STAC3: variants seen among roughly 807,000 people sequenced by gnomAD.
STAC3 encodes SH3 and cysteine-rich domain-containing protein 3.
A neutral mutation model predicts 48.5 loss-of-function variants in STAC3; 30 were observed. The observed-to-expected ratio is 0.62, with a 90% CI of 0.46 to 0.84. STAC3 has a LOEUF of 0.84. Ranked by LOEUF, STAC3 falls within the 40% of genes least tolerant of loss-of-function variation. The probability of loss-of-function intolerance (pLI) is 0.00; values close to 1 mark genes in which losing one functional copy is unlikely to be tolerated. For synonymous variants in STAC3, 144 were observed against 158.6 expected (o/e 0.91, Z 0.69); for missense variants, 419 against 462.6 (o/e 0.91, Z 0.86).
chr12:57,250,259 G>A (rs1441350830), intron 1 of STAC3, among the ~76,000 whole-genome samples: 3 of 151,882 alleles, frequency 2.0e-5, no homozygotes, highest in Middle Eastern at 3.2e-3. Flanking sequence ...GTGTGGTGGC[G>A]GACGCCTGTA....
rs149430986 is a variant in STAC3 at position 57,244,364 on chromosome 12, G to A, written c.809C>T (p.Pro270Leu). 1 of 1,614,122 alleles carries A rather than the reference G, an allele frequency of 6.2e-7. No homozygotes were observed. Among genetic ancestry groups the A allele is most frequent in the East Asian group, 2.2e-5 (1 of 44,868 alleles). The change falls in exon 10 of 12, where the codon CCA becomes CTA. Residue 270 changes from proline (P) to leucine (L), a missense_variant and splice_region_variant. Coordinates refer to ENST00000332782, the MANE Select transcript of STAC3 (RefSeq NM_145064.3). The stretch of plus-strand genomic sequence containing the variant: ...ATCAATGACTGTGATCTTCTCTCCT[G>A]GCCTGGGAGGGGAAGGGAGGGGCCT... ...ALEKDDLDFP[P>L]GEKITVIDDS...
chr12:57,244,009 A>C (rs1421011401), intron 11 of STAC3, 79 bp downstream of exon 11: 3 of 1,610,648 alleles, frequency 1.9e-6, no homozygotes, highest in Non-Finnish European at 2.5e-6. Context: ...CCCTAGTCTT[A>C]TTAATGGTTA....
At chr12:57,249,349 T>C in intron 2 of STAC3, 41 bp from the exon 3 acceptor site, 1 of 1,541,440 alleles carries the variant, frequency 6.5e-7, no homozygotes, top group Middle Eastern at 1.8e-4. Flanking sequence ...TAAAAGGACT[T>C]GTCACCCTCT....
intron 5 of STAC3, 97 bp from the exon 6 acceptor site, chr12:57,246,998 A>G: frequency 8.0e-7 from 1 of 1,243,250 alleles, no homozygotes; most frequent in South Asian, 1.2e-5. Context: ...ATGGATACCC[A>G]TGTGTGTGTT....
chr12:57,247,428 ATT>A (rs367784960), intron 5 of STAC3, among the ~76,000 whole-genome samples: 838 of 58,416 alleles, frequency 0.014, 7 homozygotes, highest in African/African-American at 0.045. Context: ...TATTATTATT[ATT>A]TTTTTTTTTT....
At chr12:57,243,952 A>G (rs1282876456) in intron 11 of STAC3, 42 bp from the exon 12 acceptor site, 1 of 1,609,542 alleles carries the variant, frequency 6.2e-7, no homozygotes, top group Admixed American at 1.7e-5. Context: ...GAATCAAAGG[A>G]AAAGGTAGGA....
intron 5 of STAC3, among the ~76,000 whole-genome samples, chr12:57,247,422 ATTATTATTTTTTTTTTT>A (rs1483062225): frequency 1.5e-5 from 1 of 68,398 alleles, no homozygotes; most frequent in African/African-American, 6.1e-5. Flanking sequence ...TATTATTATT[ATTATTATTTTTTTTTTT>A]TTTTTTTTTT....
chr12:57,246,311 T>C (rs893437605), intron 6 of STAC3, among the ~76,000 whole-genome samples: 4 of 152,156 alleles, frequency 2.6e-5, no homozygotes, highest in Middle Eastern at 3.4e-3. Flanking sequence ...TCTAGTTGTT[T>C]TTTGCAGTTG....
chr12:57,248,028 G>GA, intron 5 of STAC3, 98 bp downstream of exon 5: 1 of 1,102,316 alleles, frequency 9.1e-7, no homozygotes, highest in African/African-American at 1.5e-5. Flanking sequence ...ATGGGAAACA[G>GA]AAAGTTTCTG....
In STAC3 at chr12:57,246,824, C is replaced by A. The variant is rs1382250150; in HGVS notation, c.583G>T (p.Gly195Ter). Reference sequence around the variant, plus strand: ...CTCACATTTTTCTTATCTGCCTGTCCCTTCTTCCGTTCCTTGTTTGCCATG... The same window carrying A: ...CTCACATTTTTCTTATCTGCCTGTCACTTCTTCCGTTCCTTGTTTGCCATG... ...VIMANKERKK[G>*]QADKKNPVAA... Residue 195 changes from glycine to a stop codon, truncating the protein, a stop_gained, in exon 6 of 12, where the codon GGA becomes TGA. Coordinates refer to ENST00000332782, the MANE Select transcript of STAC3 (RefSeq NM_145064.3). LOFTEE classifies it high-confidence loss of function. 1 of 1,613,846 alleles carries A rather than the reference C, an allele frequency of 6.2e-7. No individual in the cohort carries two copies. The highest frequency in any genetic ancestry group is 8.5e-7 in the Non-Finnish European group (1 of 1,179,916).
In STAC3 at chr12:57,245,144, C is replaced by T; in HGVS notation, c.670+1G>A. ...TCTGGATGGAGGTGGGTAACACTCACCATCCTGGGGTTTGCCTTCCTCTGG... is the reference window on the plus strand; with the variant it reads ...TCTGGATGGAGGTGGGTAACACTCATCATCCTGGGGTTTGCCTTCCTCTGG... On this transcript the variant is annotated splice_donor_variant, in intron 7 of 11. Coordinates refer to ENST00000332782, the MANE Select transcript of STAC3 (RefSeq NM_145064.3). LOFTEE classifies it high-confidence loss of function. The T allele has an allele frequency of 6.2e-7, 1 of 1,614,152 alleles. No homozygotes were observed. Among genetic ancestry groups the T allele is most frequent in the Non-Finnish European group, 8.5e-7 (1 of 1,180,018 alleles).
rs1243252880 is a variant in STAC3 at position 57,248,737 on chromosome 12, T to G, written c.401A>C (p.Tyr134Ser). Residue 134 changes from tyrosine (Y) to serine (S), a missense_variant, in exon 4 of 12, where the codon TAT becomes TCT. Transcript: ENST00000332782. ...KTNIHEHCQS[Y>S]VEMQRCFGKI... ...GCCGAAGCATCTCTGCATTTCCACA[T>G]AGGACTGACAGTGTTCATGGATGTT... 1 of 1,613,954 alleles carries G rather than the reference T, an allele frequency of 6.2e-7. No homozygotes were observed. The highest frequency in any genetic ancestry group is 8.5e-7 in the Non-Finnish European group (1 of 1,179,948).
Position 57,249,558 on chromosome 12 carries a change from G to A in STAC3, c.66+13C>T, listed in dbSNP as rs750707533. ...CAGCCCCCCACACCCAGTGGTCAGA[G>A]GCCCAGACTCACCCCACTTTGCCGA... On this transcript the variant is annotated intron_variant, in intron 2 of 11. Transcript: ENST00000332782. 1.9e-6 allele frequency: 3 copies of A among 1,613,734 alleles called. No individual in the cohort carries two copies. The highest frequency in any genetic ancestry group is 4.5e-5 in the East Asian group (2 of 44,882).
chr12:57,246,744 G>T, intron 6 of STAC3, 60 bp downstream of exon 6: 1 of 1,495,116 alleles, frequency 6.7e-7, no homozygotes, highest in Non-Finnish European at 9.3e-7. Context: ...TTCCAAATGG[G>T]AAAATGACCT....
At chr12:57,246,944 G>A in intron 5 of STAC3, 43 bp from the exon 6 acceptor site, 1 of 1,584,826 alleles carries the variant, frequency 6.3e-7, no homozygotes, top group Non-Finnish European at 8.7e-7. Flanking sequence ...TGGGAAGGCA[G>A]AGAAAGGCTT....
rs746220933 is a variant in STAC3, at chr12:57,244,906, G to T, written c.720+10C>A. 1.2e-6 allele frequency: 2 copies of T among 1,614,080 alleles called. No individual in the cohort carries two copies. Among genetic ancestry groups the T allele is most frequent in the East Asian group, 4.5e-5 (2 of 44,886 alleles). The stretch of plus-strand genomic sequence containing the variant: ...GAACTGGGTTCCTTGCAGGGAGGAA[G>T]GATTCTTACCTTGTCATCAGGTGTC... On this transcript the variant is annotated intron_variant, in intron 8 of 11. Coordinates refer to ENST00000332782, the MANE Select transcript of STAC3 (RefSeq NM_145064.3).
intron 6 of STAC3, 29 bp from the exon 7 acceptor site, chr12:57,245,240 G>A (rs753818952): frequency 3.1e-6 from 5 of 1,604,600 alleles, no homozygotes; most frequent in South Asian, 2.2e-5. Context: ...TTAGGGAGAC[G>A]CTGTCTTGGG....
chr12:57,245,835 C>T (rs926241937), intron 6 of STAC3, among the ~76,000 whole-genome samples: 4 of 151,312 alleles, frequency 2.6e-5, no homozygotes, highest in Non-Finnish European at 5.9e-5. Context: ...CATGGTCAGG[C>T]GCGGTGGCTT....
In STAC3 at chr12:57,248,215, G is replaced by C; in HGVS notation, c.433-17C>G. 3.1e-6 allele frequency: 5 copies of C among 1,605,324 alleles called. No individual in the cohort carries two copies. The highest frequency in any genetic ancestry group is 4.3e-6 in the Non-Finnish European group (5 of 1,172,038). ...ACCAGGTGGCTGTAGGATGGGATGA[G>C]AGGAAGCATTAGAGGTAGCAAAGTA... is the stretch of plus-strand genomic sequence containing the variant. On this transcript the variant is annotated splice_polypyrimidine_tract_variant and intron_variant, in intron 4 of 11. Coordinates refer to ENST00000332782, the MANE Select transcript of STAC3 (RefSeq NM_145064.3).
Sources: allele counts gnomAD v4.1 joint callset (sites outside exome capture counted in the v4.1 genomes callset), GRCh38; gene constraint gnomAD v4.1.1; transcripts MANE v1.5; gene names NCBI Gene and HGNC (gene_info 2026-07-23, HGNC 2026-07-21).